NLGN1: variants seen among roughly 807,000 people sequenced by gnomAD.
NLGN1 encodes neuroligin 1.
A neutral mutation model predicts 65.5 loss-of-function variants in NLGN1; 12 were observed. The observed-to-expected ratio is 0.18, with a 90% CI of 0.12 to 0.30. The LOEUF (loss-of-function observed/expected upper bound fraction) is 0.30. Among genes scored for constraint, NLGN1 ranks in the 10% least tolerant of loss-of-function variants. The pLI, the probability that NLGN1 is intolerant of heterozygous loss-of-function variation, is 1.00. For synonymous variants in NLGN1, 350 were observed against 359.5 expected (o/e 0.97, Z 0.30); for missense variants, 750 against 1,007.1 (o/e 0.74, Z 3.46).
chr3:173,456,170 T>G (rs1487756394), intron 2 of NLGN1, among the ~76,000 whole-genome samples: 2 of 152,202 alleles, frequency 1.3e-5, no homozygotes, highest in African/African-American at 4.8e-5. Context: ...CTTGGCCCAG[T>G]GATGGTGACG....
chr3:173,446,868 C>A (rs942472408), intron 2 of NLGN1, among the ~76,000 whole-genome samples: 8 of 152,072 alleles, frequency 5.3e-5, no homozygotes, highest in African/African-American at 1.2e-4. Context: ...TCTTCTTTTG[C>A]GAAGTGTCTG....
chr3:174,149,342 C>T (rs1723902068), intron 4 of NLGN1, among the ~76,000 whole-genome samples: 1 of 152,148 alleles, frequency 6.6e-6, no homozygotes, highest in African/African-American at 2.4e-5. Context: ...CTCCACCTCC[C>T]TCCATGGCAT....
intron 4 of NLGN1, among the ~76,000 whole-genome samples, chr3:173,937,214 C>T (rs1351527931): frequency 2.0e-5 from 3 of 151,916 alleles, no homozygotes; most frequent in South Asian, 2.1e-4. Context: ...ATTAATTATG[C>T]GTACATAAAC....
chr3:174,100,051 G>T (rs1712048678), intron 4 of NLGN1, among the ~76,000 whole-genome samples: 1 of 152,020 alleles, frequency 6.6e-6, no homozygotes, highest in Non-Finnish European at 1.5e-5. Context: ...AATTTAGTTT[G>T]TTTGGGTTTT....
At chr3:174,285,804 T>A (rs537428041) in exon 7 of NLGN1, 31 of 151,656 alleles carry the variant, frequency 2.0e-4, no homozygotes, top group Admixed American at 1.3e-3. Context: ...TTAGCTTTTT[T>A]AAATTTTCAG....
At chr3:174,222,082 T>C (rs975399977) in intron 4 of NLGN1, among the ~76,000 whole-genome samples, 1 of 152,120 alleles carries the variant, frequency 6.6e-6, no homozygotes, top group African/African-American at 2.4e-5. Context: ...TTCAACCAGC[T>C]TCAGTGGGAA....
chr3:173,869,034 A>G (rs1293780149), intron 4 of NLGN1, among the ~76,000 whole-genome samples: 2 of 152,136 alleles, frequency 1.3e-5, no homozygotes, highest in African/African-American at 4.8e-5. Context: ...CTTCAGTGCT[A>G]TTTTTCATAT....
chr3:173,415,915 A>G (rs866245593), intron 1 of NLGN1, among the ~76,000 whole-genome samples: 15 of 138,062 alleles, frequency 1.1e-4, no homozygotes, highest in African/African-American at 5.0e-4. Context: ...AGAGAGAGAG[A>G]GAGGGAGAGA....
intron 2 of NLGN1, among the ~76,000 whole-genome samples, chr3:173,591,560 T>G (rs2149398670): frequency 6.6e-6 from 1 of 152,170 alleles, no homozygotes; most frequent in Non-Finnish European, 1.5e-5. Context: ...GACACAAAGG[T>G]TTAACTACCC....
intron 3 of NLGN1, among the ~76,000 whole-genome samples, chr3:173,681,712 T>C (rs913880021): frequency 6.6e-6 from 1 of 152,188 alleles, no homozygotes; most frequent in East Asian, 1.9e-4. Flanking sequence ...GGCAGGTTAC[T>C]TAAGCTCTCT....
intron 4 of NLGN1, among the ~76,000 whole-genome samples, chr3:174,036,500 A>C (rs1731153598): frequency 6.6e-6 from 1 of 152,068 alleles, no homozygotes; most frequent in Admixed American, 6.6e-5. Flanking sequence ...GGAGGCCACG[A>C]ACTCCTTGGA....
chr3:173,970,726 T>C (rs1716040086), intron 4 of NLGN1, among the ~76,000 whole-genome samples: 1 of 152,150 alleles, frequency 6.6e-6, no homozygotes, highest in African/African-American at 2.4e-5. Context: ...TTGTGCATGT[T>C]ATTTAACCTA....
intron 3 of NLGN1, among the ~76,000 whole-genome samples, chr3:173,775,259 A>G (rs1461091484): frequency 6.6e-6 from 1 of 152,188 alleles, no homozygotes; most frequent in African/African-American, 2.4e-5. Flanking sequence ...ATATATTCAG[A>G]TTATAAAATT....
At chr3:173,729,218 C>T (rs1472421956) in intron 3 of NLGN1, among the ~76,000 whole-genome samples, 1 of 152,058 alleles carries the variant, frequency 6.6e-6, no homozygotes, top group Non-Finnish European at 1.5e-5. Flanking sequence ...CCATCCACTG[C>T]TGAGCAATTC....
intron 2 of NLGN1, among the ~76,000 whole-genome samples, chr3:173,511,528 G>A (rs898495634): frequency 6.6e-6 from 1 of 152,092 alleles, no homozygotes; most frequent in Non-Finnish European, 1.5e-5. Context: ...ATTAATGTGG[G>A]GAAATTATCA....
chr3:173,994,447 T>A (rs1721825589), intron 4 of NLGN1, among the ~76,000 whole-genome samples: 1 of 137,670 alleles, frequency 7.3e-6, no homozygotes, highest in East Asian at 2.2e-4. Context: ...AAATTTTTTA[T>A]TTTAACCTTG....
Position 173,469,839 on chromosome 3 carries a change from A to G in NLGN1, c.-321+34761A>G, listed in dbSNP as rs188333139. Among the ~76,000 whole-genome samples the G allele has an allele frequency of 1.5e-3, 232 of 152,120 alleles. 1 individual carries two copies. The highest frequency in any genetic ancestry group is 3.4e-3 in the Middle Eastern group (1 of 294). ...TTAATGTGGAAGTAATTTAAAATTT[A>G]TAAGAAGTTTTAAAATAAAAATAAT... On this transcript the variant is annotated intron_variant, in intron 2 of 6. Transcript: ENST00000457714.
chr3:173,667,592 A>G (rs987564547), intron 3 of NLGN1, among the ~76,000 whole-genome samples: 3 of 152,092 alleles, frequency 2.0e-5, no homozygotes, highest in African/African-American at 4.8e-5. Flanking sequence ...CCAGGATTCT[A>G]TATAGATTTT....
intron 2 of NLGN1, among the ~76,000 whole-genome samples, chr3:173,599,716 G>T (rs1480154386): frequency 6.6e-6 from 1 of 151,656 alleles, no homozygotes; most frequent in East Asian, 1.9e-4. Context: ...AACATTATTT[G>T]TCTAGTTAGT....
Sources: allele counts gnomAD v4.1 joint callset (sites outside exome capture counted in the v4.1 genomes callset), GRCh38; gene constraint gnomAD v4.1.1; transcripts MANE v1.5; gene names NCBI Gene and HGNC (gene_info 2026-07-23, HGNC 2026-07-21).